The following SLC4A7 variants were observed in gnomAD, a reference collection of about 807,000 sequenced individuals.
SLC4A7 encodes sodium bicarbonate cotransporter 3.
In SLC4A7, 51 loss-of-function variants were observed where a neutral mutation model predicts 137.6. That is an observed-to-expected ratio of 0.37 (90% CI 0.30 to 0.47). SLC4A7 has a LOEUF of 0.47. Among genes scored for constraint, SLC4A7 ranks in the 20% least tolerant of loss-of-function variants. The pLI is 1.00. For synonymous variants in SLC4A7, 542 were observed against 518.6 expected (o/e 1.05, Z -0.61); for missense variants, 1,247 against 1,525.4 (o/e 0.82, Z 3.04).
chr3:27,443,458 G>A (rs111436441), intron 3 of SLC4A7, among the ~76,000 whole-genome samples: 1,879 of 151,590 alleles, frequency 0.012, 9 homozygotes, highest in South Asian at 0.02. Context: ...TTTTTTCAAC[G>A]TACTAGATTT....
intron 13 of SLC4A7, among the ~76,000 whole-genome samples, chr3:27,406,637 GA>G (rs942045848): frequency 7.9e-5 from 12 of 152,100 alleles, no homozygotes; most frequent in African/African-American, 2.4e-4. Context: ...TAAGTCAAAG[GA>G]AAAAAATGGG....
intron 7 of SLC4A7, chr3:27,424,415 T>C (rs2055331439): frequency 1.1e-5 from 3 of 268,188 alleles, no homozygotes; most frequent in Admixed American, 1.0e-4. Context: ...AAATAAAACG[T>C]GAGTTGGTGT....
At chr3:27,410,516 T>C (rs2053799725) in intron 12 of SLC4A7, among the ~76,000 whole-genome samples, 1 of 152,150 alleles carries the variant, frequency 6.6e-6, no homozygotes, top group African/African-American at 2.4e-5. Context: ...TAAACACAAA[T>C]TGACAAGTAG....
chr3:27,481,355 G>A (rs1197369421), intron 1 of SLC4A7, among the ~76,000 whole-genome samples: 1 of 152,210 alleles, frequency 6.6e-6, no homozygotes, highest in African/African-American at 2.4e-5. Flanking sequence ...CTATGAAACA[G>A]ATGGGCTCCA....
At position 27,458,077 on chromosome 3, in the gene SLC4A7, CCAAA is replaced by C. The variant is rs1176723938; in HGVS notation, c.61-5583_61-5580del. ...CAGGCAATTAACCAGTGATTTTTCT[CCAAA>C]CAATCATTCTATTTGGATATGCAGC... On this transcript the variant is annotated intron_variant, in intron 1 of 25. Coordinates refer to ENST00000454389, the MANE Select transcript of SLC4A7 (RefSeq NM_001321103.2). 3.3e-5 allele frequency among the ~76,000 whole-genome samples: 5 copies of C among 152,250 alleles called. No individual in the cohort carries two copies. The East Asian group carries it at 9.6e-4, about 29-fold the overall frequency.
chr3:27,407,013 G>A (rs2053431502), intron 13 of SLC4A7, among the ~76,000 whole-genome samples: 1 of 151,122 alleles, frequency 6.6e-6, no homozygotes, highest in East Asian at 1.9e-4. Context: ...GAAGCAAGGA[G>A]ATGTCAAAAA....
chr3:27,398,448 G>T (rs925905604), intron 16 of SLC4A7, 95 bp from the exon 17 acceptor site: 32 of 1,046,920 alleles, frequency 3.1e-5, no homozygotes, highest in African/African-American at 8.0e-5. Flanking sequence ...GCAACTGATT[G>T]TAAGAGGCAC....
chr3:27,442,202 A>G (rs1015911770), intron 3 of SLC4A7, among the ~76,000 whole-genome samples: 5 of 152,172 alleles, frequency 3.3e-5, no homozygotes, highest in African/African-American at 1.2e-4. Flanking sequence ...GTAGTTTTGA[A>G]GAATGGACTA....
Position 27,448,631 on chromosome 3 carries a change from G to A in SLC4A7, c.289+20C>T. ...AAAATAGGAACTTTAAACTGCTAAA[G>A]AAGAACTGTTTTCTCTTACCATAAG... On this transcript the variant is annotated intron_variant, in intron 3 of 25. Transcript: ENST00000454389. 1 of 1,594,590 alleles carries A rather than the reference G, an allele frequency of 6.3e-7. No homozygotes were observed. The highest frequency in any genetic ancestry group is 2.2e-5 in the East Asian group (1 of 44,708).
At chr3:27,402,345 CTTT>C (rs374719875) in intron 15 of SLC4A7, among the ~76,000 whole-genome samples, 1 of 149,170 alleles carries the variant, frequency 6.7e-6, no homozygotes, top group Non-Finnish European at 1.5e-5. Context: ...TTTCATTGCA[CTTT>C]TTTTTTTATC....
intron 20 of SLC4A7, among the ~76,000 whole-genome samples, chr3:27,392,014 G>A (rs1234152813): frequency 6.6e-6 from 1 of 152,076 alleles, no homozygotes; most frequent in Non-Finnish European, 1.5e-5. Context: ...CCTAAAAAGG[G>A]AGTATGTTCA....
At position 27,391,747 on chromosome 3, in the gene SLC4A7, C is replaced by G; in HGVS notation, c.3179G>C (p.Gly1060Ala). Residue 1060 changes from glycine to alanine, a missense_variant, in exon 21 of 26, where the codon GGA becomes GCA. Around this residue, in one of 6 missense-constraint regions of SLC4A7, gnomAD observed 290 missense variants for 323.8 expected, o/e 0.90. Transcript: ENST00000454389. Reference sequence around the variant, plus strand: ...TAAATACTTAAAACTTGCCTGGATTCCTTTTAATGAGGAAACTCCCATATA... The same window carrying G: ...TAAATACTTAAAACTTGCCTGGATTGCTTTTAATGAGGAAACTCCCATATA... ...FLYMGVSSLK[G>A]IQLFDRIKLF... is the part of the protein sequence containing the mutation. 1 of 1,566,810 alleles carries G rather than the reference C, an allele frequency of 6.4e-7. No individual in the cohort carries two copies. Among genetic ancestry groups the G allele is most frequent in the Non-Finnish European group, 8.7e-7 (1 of 1,143,944 alleles).
chr3:27,402,649 A>G (rs544510252), intron 15 of SLC4A7, among the ~76,000 whole-genome samples: 36 of 151,980 alleles, frequency 2.4e-4, no homozygotes, highest in African/African-American at 8.2e-4. Flanking sequence ...CAGTTAGCTG[A>G]GATTGTGGCA....
chr3:27,415,244 T>C (rs2054272284), intron 11 of SLC4A7, among the ~76,000 whole-genome samples: 1 of 152,188 alleles, frequency 6.6e-6, no homozygotes, highest in African/African-American at 2.4e-5. Flanking sequence ...TAAAAGGCAG[T>C]CCCTTACTGG....
intron 1 of SLC4A7, among the ~76,000 whole-genome samples, chr3:27,455,695 TG>T (rs1275391018): frequency 6.7e-6 from 1 of 148,424 alleles, no homozygotes; most frequent in Admixed American, 6.9e-5. Flanking sequence ...CTAGCCAACA[TG>T]GTGAAACCCT....
rs772666324 is a variant in SLC4A7, at chr3:27,394,726, A to G, written c.2909T>C (p.Met970Thr). The G allele has an allele frequency of 1.2e-6, 2 of 1,614,226 alleles. No homozygotes were observed. Among genetic ancestry groups the G allele is most frequent in the South Asian group, 1.1e-5 (1 of 91,084 alleles). The change falls in exon 20 of 26, where the codon ATG becomes ACG. Residue 970 changes from methionine (M) to threonine (T), a missense_variant. Transcript: ENST00000454389. ...YHLDLLMVGVMLGVCSVMGLP... is the reference protein window; with the variant it reads ...YHLDLLMVGVTLGVCSVMGLP... ...TCCCATGACAGAGCAAACTCCCAACATAACGCCAACCATGAGCAAATCAAG... is the reference window on the plus strand; with the variant it reads ...TCCCATGACAGAGCAAACTCCCAACGTAACGCCAACCATGAGCAAATCAAG...
chr3:27,450,115 T>G (rs978810846), intron 2 of SLC4A7, among the ~76,000 whole-genome samples: 13 of 152,188 alleles, frequency 8.5e-5, no homozygotes. Context: ...CTCTGACATC[T>G]TATTTCAGCT....
chr3:27,428,899 G>A (rs996183130), intron 7 of SLC4A7, among the ~76,000 whole-genome samples: 13 of 152,024 alleles, frequency 8.6e-5, no homozygotes, highest in Non-Finnish European at 1.8e-4. Flanking sequence ...TTTATATTAG[G>A]CAAAAAGATA....
chr3:27,394,836 G>T, intron 19 of SLC4A7, 67 bp from the exon 20 acceptor site: 1 of 1,556,808 alleles, frequency 6.4e-7, no homozygotes, highest in South Asian at 1.2e-5. Flanking sequence ...AATTCTACAC[G>T]AATTATAAAG....
Sources: gnomAD v4.1 joint callset for allele counts (sites outside exome capture counted in the v4.1 genomes callset) on GRCh38, gnomAD v4.1.1 for gene constraint, gnomAD v4.1.1 regional missense constraint, MANE v1.5 for transcripts, NCBI Gene and HGNC (gene_info 2026-07-23, HGNC 2026-07-21) for gene names.